Variants in EXOC4 observed in about 807,000 individuals in gnomAD.
EXOC4 encodes the protein exocyst complex component 4, also known as SEC8-like 1.
EXOC4 carries 71 observed loss-of-function variants against 107.2 expected under a neutral mutation model. The observed-to-expected ratio is 0.66, with a 90% confidence interval of 0.55 to 0.81. The LOEUF (loss-of-function observed/expected upper bound fraction) is 0.81. Ranked by LOEUF, EXOC4 falls within the 30% of genes least tolerant of loss-of-function variation. The probability of loss-of-function intolerance (pLI) is 0.00; values close to 1 mark genes in which losing one functional copy is unlikely to be tolerated. For synonymous variants in EXOC4, 456 were observed against 441.2 expected, an observed-to-expected ratio of 1.03 and a Z score of -0.42; for missense variants, 1,108 against 1,189.6, an observed-to-expected ratio of 0.93 and a Z score of 1.01.
In EXOC4 at chr7:133,350,427, G is replaced by A. The variant is rs188452306; in HGVS notation, c.764-5903G>A. ...CCTGTACAGCATTTGTTGAAAGGCC[G>A]TCCTTTCCCCATTGAATGGTCTTGG... On this transcript the variant is annotated intron_variant, in intron 5 of 17. Transcript: ENST00000253861. 2.9e-4 allele frequency among the ~76,000 whole-genome samples: 44 copies of A among 152,064 alleles called. 1 individual carries two copies. The East Asian group carries it at 5.2e-3, about 18-fold the overall frequency.
intron 9 of EXOC4, among the ~76,000 whole-genome samples, chr7:133,528,382 ATAAACT>A (rs1297382448): frequency 2.6e-5 from 4 of 152,206 alleles, no homozygotes; most frequent in Non-Finnish European, 5.9e-5. Flanking sequence ...GATTTTACAA[ATAAACT>A]TAAGTGCGAC....
At chr7:133,751,799 C>G (rs1795798491) in intron 10 of EXOC4, among the ~76,000 whole-genome samples, 1 of 151,618 alleles carries the variant, frequency 6.6e-6, no homozygotes, top group Admixed American at 6.6e-5. Context: ...TTTTTTTTCA[C>G]TTGGAACGGC....
chr7:133,829,655 C>G (rs1453253594), intron 11 of EXOC4, among the ~76,000 whole-genome samples: 1 of 152,236 alleles, frequency 6.6e-6, no homozygotes, highest in Non-Finnish European at 1.5e-5. Context: ...TGAGGGTGTT[C>G]CCTGCTGAGC....
At chr7:133,284,400 T>C (rs1794228179) in intron 2 of EXOC4, among the ~76,000 whole-genome samples, 1 of 152,204 alleles carries the variant, frequency 6.6e-6, no homozygotes, top group African/African-American at 2.4e-5. Flanking sequence ...AAGTAGGATA[T>C]CAGAAATCAG....
intron 10 of EXOC4, among the ~76,000 whole-genome samples, chr7:133,760,513 C>A (rs1796011290): frequency 6.6e-6 from 1 of 152,066 alleles, no homozygotes; most frequent in African/African-American, 2.4e-5. Context: ...TCTTCTAGGG[C>A]AGATCTCTAC....
chr7:133,996,446 A>C (rs1794394539), intron 14 of EXOC4, among the ~76,000 whole-genome samples: 1 of 152,214 alleles, frequency 6.6e-6, no homozygotes, highest in Non-Finnish European at 1.5e-5. Flanking sequence ...GATACAATAG[A>C]AGTTTAGAGA....
chr7:133,340,368 TC>T (rs1795631502), intron 5 of EXOC4, among the ~76,000 whole-genome samples: 1 of 152,144 alleles, frequency 6.6e-6, no homozygotes, highest in African/African-American at 2.4e-5. Flanking sequence ...GCCCACTTGA[TC>T]ACGCTGGATT....
At chr7:133,863,332 G>A (rs1798572884) in intron 11 of EXOC4, among the ~76,000 whole-genome samples, 2 of 152,042 alleles carry the variant, frequency 1.3e-5, no homozygotes, top group Admixed American at 1.3e-4. Flanking sequence ...CTTGCAATTA[G>A]GCAAAGATAC....
At chr7:133,692,864 A>G (rs1475507285) in intron 10 of EXOC4, among the ~76,000 whole-genome samples, 2 of 152,184 alleles carry the variant, frequency 1.3e-5, no homozygotes, top group East Asian at 1.9e-4. Flanking sequence ...GAAATTAATT[A>G]TTTGCCACAT....
intron 14 of EXOC4, among the ~76,000 whole-genome samples, chr7:133,994,778 TG>T (rs1794349125): frequency 1.3e-5 from 2 of 152,090 alleles, no homozygotes; most frequent in Admixed American, 1.3e-4. Context: ...TGTGTGTGTG[TG>T]TGTGTGTGTT....
intron 9 of EXOC4, among the ~76,000 whole-genome samples, chr7:133,503,790 G>T (rs1799618762): frequency 6.6e-6 from 1 of 152,132 alleles, no homozygotes; most frequent in Non-Finnish European, 1.5e-5. Context: ...ATGAATTAGG[G>T]ATTCTTAACC....
intron 11 of EXOC4, among the ~76,000 whole-genome samples, chr7:133,823,265 C>G (rs374835464): frequency 6.6e-6 from 1 of 152,156 alleles, no homozygotes; most frequent in African/African-American, 2.4e-5. Context: ...CTTCCTCTGC[C>G]AGCTGCACTT....
At chr7:133,490,952 A>G (rs1167164573) in intron 9 of EXOC4, among the ~76,000 whole-genome samples, 5 of 152,186 alleles carry the variant, frequency 3.3e-5, no homozygotes, top group African/African-American at 1.2e-4. Context: ...TGAGGCTGGA[A>G]ATATTGGTAG....
intron 10 of EXOC4, among the ~76,000 whole-genome samples, chr7:133,695,837 G>T (rs139898027): frequency 6.6e-6 from 1 of 152,264 alleles, no homozygotes; most frequent in East Asian, 1.9e-4. Context: ...CAATTATGTT[G>T]TATGAATCAA....
chr7:133,790,966 A>G (rs990139867), intron 10 of EXOC4, among the ~76,000 whole-genome samples: 14 of 152,392 alleles, frequency 9.2e-5, no homozygotes, highest in Non-Finnish European at 1.9e-4. Flanking sequence ...AATTGTCATT[A>G]CAAATATCTA....
At chr7:133,517,648 T>G (rs1183737558) in intron 9 of EXOC4, among the ~76,000 whole-genome samples, 1 of 152,086 alleles carries the variant, frequency 6.6e-6, no homozygotes. Flanking sequence ...TTGCGAGACT[T>G]ATTCACTATC....
At chr7:133,593,296 C>A (rs1428640476) in intron 9 of EXOC4, among the ~76,000 whole-genome samples, 1 of 152,158 alleles carries the variant, frequency 6.6e-6, no homozygotes, top group Non-Finnish European at 1.5e-5. Context: ...ATGCTGCTTC[C>A]TTGTTTTGGT....
chr7:133,825,879 A>C (rs946146491), intron 11 of EXOC4, among the ~76,000 whole-genome samples: 14 of 152,116 alleles, frequency 9.2e-5, no homozygotes, highest in Non-Finnish European at 1.6e-4. Flanking sequence ...AGATGGTGCT[A>C]ATGGTCTCAC....
intron 10 of EXOC4, among the ~76,000 whole-genome samples, chr7:133,641,471 C>A (rs908371821): frequency 1.3e-5 from 2 of 152,144 alleles, no homozygotes; most frequent in African/African-American, 2.4e-5. Context: ...TACGTACATA[C>A]AAACACACAC....
Sources: allele counts gnomAD v4.1 joint callset (sites outside exome capture counted in the v4.1 genomes callset), GRCh38; gene constraint gnomAD v4.1.1; transcripts MANE v1.5; gene names NCBI Gene and HGNC (gene_info 2026-07-23, HGNC 2026-07-21).